Variants in LY96 observed in about 807,000 individuals in gnomAD.
The protein encoded by LY96 is myeloid differentiation protein-2.
In LY96, 18 loss-of-function variants were observed where a neutral mutation model predicts 18.9. That is an observed-to-expected ratio of 0.95 (90% CI 0.66 to 1.41). The LOEUF is 1.41. Among genes scored for constraint, LY96 ranks in the 40% most tolerant of loss-of-function variants. LY96 has a pLI of 0.00. For missense variants in LY96, 175 were observed against 182.4 expected, an observed-to-expected ratio of 0.96 and a Z score of 0.23; for synonymous variants, 66 against 62.6, an observed-to-expected ratio of 1.06 and a Z score of -0.26.
chr8:73,994,627 C>T (rs1055033846), intron 1 of LY96, among the ~76,000 whole-genome samples: 3 of 152,118 alleles, frequency 2.0e-5, no homozygotes, highest in African/African-American at 7.2e-5. Flanking sequence ...GCTGGGACTA[C>T]AGGCGTGCAC....
chr8:74,037,992 T>C, the LY96 span, among the ~76,000 whole-genome samples: 1 of 152,192 alleles, frequency 6.6e-6, no homozygotes, highest in African/African-American at 2.4e-5. Flanking sequence ...AATGTTTTGT[T>C]TTAAAAAAAA....
At chr8:74,097,702 T>C in the LY96 span, among the ~76,000 whole-genome samples, 3 of 150,974 alleles carry the variant, frequency 2.0e-5, no homozygotes, top group African/African-American at 7.4e-5. Flanking sequence ...CAAGACTCTG[T>C]CTCAAATAAA....
the LY96 span, among the ~76,000 whole-genome samples, chr8:74,037,626 CTG>C: frequency 6.6e-6 from 1 of 152,088 alleles, no homozygotes; most frequent in Non-Finnish European, 1.5e-5. Flanking sequence ...GAGTGAGACT[CTG>C]TTTCAAAAAT....
chr8:74,028,624 AG>A (rs1313613750), intron 4 of LY96, among the ~76,000 whole-genome samples: 1 of 152,220 alleles, frequency 6.6e-6, no homozygotes, highest in Non-Finnish European at 1.5e-5. Context: ...TGACATATCT[AG>A]TAATGAGATT....
At chr8:74,091,473 C>G in the LY96 span, among the ~76,000 whole-genome samples, 7 of 152,206 alleles carry the variant, frequency 4.6e-5, no homozygotes, top group African/African-American at 1.7e-4. Flanking sequence ...CCTCACCCTA[C>G]AAGATGACTT....
the LY96 span, among the ~76,000 whole-genome samples, chr8:74,051,462 T>C: frequency 6.6e-6 from 1 of 152,176 alleles, no homozygotes; most frequent in Non-Finnish European, 1.5e-5. Flanking sequence ...CATATATACT[T>C]CTTAGTAATT....
chr8:74,022,072 TA>T (rs113275856), intron 3 of LY96, among the ~76,000 whole-genome samples: 7 of 147,904 alleles, frequency 4.7e-5, no homozygotes, highest in Non-Finnish European at 1.1e-4. Context: ...AAGTATAATT[TA>T]AAAAAAAAAG....
chr8:74,061,159 T>C, the LY96 span, among the ~76,000 whole-genome samples: 8 of 152,304 alleles, frequency 5.3e-5, no homozygotes, highest in African/African-American at 1.7e-4. Flanking sequence ...AGACTGAATG[T>C]TTGTGTCCCT....
At chr8:74,008,763 T>C (rs1469421878) in intron 2 of LY96, among the ~76,000 whole-genome samples, 1 of 152,110 alleles carries the variant, frequency 6.6e-6, no homozygotes, top group Non-Finnish European at 1.5e-5. Context: ...AAAGTTGACT[T>C]GAGAATTGTC....
chr8:74,093,816 TA>T, the LY96 span, among the ~76,000 whole-genome samples: 1 of 152,174 alleles, frequency 6.6e-6, no homozygotes, highest in Non-Finnish European at 1.5e-5. Context: ...ACTCAACATC[TA>T]AAAATAATAA....
At chr8:74,098,099 T>C in the LY96 span, among the ~76,000 whole-genome samples, 1 of 152,210 alleles carries the variant, frequency 6.6e-6, no homozygotes, top group African/African-American at 2.4e-5. Context: ...CCAATTACTG[T>C]GTACCTCTGG....
At chr8:74,081,037 T>A in the LY96 span, among the ~76,000 whole-genome samples, 895 of 123,380 alleles carry the variant, frequency 7.3e-3, 5 homozygotes, top group African/African-American at 0.015. Flanking sequence ...TTTCTTTCTT[T>A]CTTTCTTTCT....
the LY96 span, among the ~76,000 whole-genome samples, chr8:74,036,587 C>A: frequency 6.6e-6 from 1 of 152,192 alleles, no homozygotes; most frequent in East Asian, 1.9e-4. Context: ...TTTTACACAT[C>A]TATACTTTCA....
chr8:74,026,898 A>T (rs1205535241), intron 4 of LY96, 57 bp downstream of exon 4: 1 of 878,692 alleles, frequency 1.1e-6, no homozygotes, highest in Non-Finnish European at 1.9e-6. Context: ...AGACATGTTA[A>T]GCATTTGAAA....
chr8:74,092,565 C>T, the LY96 span, among the ~76,000 whole-genome samples: 1 of 152,198 alleles, frequency 6.6e-6, no homozygotes, highest in Non-Finnish European at 1.5e-5. Context: ...ACTTTAACTT[C>T]AGCACTGACA....
At chr8:74,066,769 G>C in the LY96 span, among the ~76,000 whole-genome samples, 1 of 152,200 alleles carries the variant, frequency 6.6e-6, no homozygotes, top group Non-Finnish European at 1.5e-5. Flanking sequence ...CCAGCAGCTA[G>C]TTAAGCGAGG....
the LY96 span, among the ~76,000 whole-genome samples, chr8:74,051,894 T>G: frequency 6.6e-6 from 1 of 152,198 alleles, no homozygotes; most frequent in African/African-American, 2.4e-5. Context: ...TCATACATAC[T>G]AAGACAGTGG....
rs1563710798 is a variant in LY96, at chr8:74,002,066, C to CTTTCTTTCTTT, written c.113-2730_113-2729insTTTCTTTCTTT. 8.4e-4 allele frequency among the ~76,000 whole-genome samples: 19 copies of CTTTCTTTCTTT among 22,540 alleles called. 4 individuals carry two copies. The highest frequency in any genetic ancestry group is 4.6e-3 in the South Asian group (2 of 438). 14.8% of individuals were successfully genotyped at this position (22,540 alleles called of 152,430 possible). On this transcript the variant is annotated intron_variant, in intron 1 of 4. Coordinates refer to ENST00000284818, the MANE Select transcript of LY96 (RefSeq NM_015364.5). ...TCCTTCCTTCCTTCCTTCCTTCCTT[C>CTTTCTTTCTTT]CTTCCTTCCTTTCTTTCTTTCTTTC... is the stretch of plus-strand genomic sequence containing the variant.
At chr8:74,067,160 T>C in the LY96 span, among the ~76,000 whole-genome samples, 3,712 of 152,326 alleles carry the variant, frequency 0.024, 127 homozygotes, top group African/African-American at 0.082. Flanking sequence ...AGTCTTATCA[T>C]AGGTATGTGT....
Sources: allele counts gnomAD v4.1 joint callset (sites outside exome capture counted in the v4.1 genomes callset), GRCh38; gene constraint gnomAD v4.1.1; transcripts MANE v1.5; gene names NCBI Gene and HGNC (gene_info 2026-07-23, HGNC 2026-07-21).